The following ARHGAP26 variants were observed in gnomAD, a reference collection of about 807,000 sequenced individuals.
ARHGAP26 encodes the protein rho GTPase-activating protein 26.
ARHGAP26 carries 38 observed loss-of-function variants against 104.8 expected under a neutral mutation model. That is an observed-to-expected ratio of 0.36 (90% confidence interval 0.28 to 0.48). The LOEUF (loss-of-function observed/expected upper bound fraction) is 0.48. Among genes scored for constraint, ARHGAP26 ranks in the 20% least tolerant of loss-of-function variants. The probability of loss-of-function intolerance (pLI) is 0.99; values close to 1 mark genes in which losing one functional copy is unlikely to be tolerated. For synonymous variants in ARHGAP26, 341 were observed against 340.0 expected (o/e 1.00, Z -0.03); for missense variants, 704 against 947.9 (o/e 0.74, Z 3.38).
chr5:143,192,465 A>G (rs1806087305), intron 20 of ARHGAP26: 1 of 152,270 alleles, frequency 6.6e-6, no homozygotes, highest in African/African-American at 2.4e-5. Context: ...TGCTTGCTCT[A>G]TGGCTTGTGA....
chr5:142,799,249 C>A (rs1761586438), intron 1 of ARHGAP26, among the ~76,000 whole-genome samples: 1 of 151,766 alleles, frequency 6.6e-6, no homozygotes, highest in South Asian at 2.1e-4. Context: ...ATATGTGTTT[C>A]TGCATTTTGG....
At chr5:142,924,798 C>T (rs1397525495) in intron 10 of ARHGAP26, among the ~76,000 whole-genome samples, 1 of 152,230 alleles carries the variant, frequency 6.6e-6, no homozygotes, top group Non-Finnish European at 1.5e-5. Context: ...CCAGTGATGG[C>T]ACTGTGTCCT....
At chr5:143,191,351 A>G (rs1351388715) in intron 20 of ARHGAP26, among the ~76,000 whole-genome samples, 1 of 152,238 alleles carries the variant, frequency 6.6e-6, no homozygotes, top group Non-Finnish European at 1.5e-5. Context: ...GTGGACAAAT[A>G]TGCTTTTCAT....
chr5:142,954,517 G>A (rs1311379357), intron 11 of ARHGAP26, among the ~76,000 whole-genome samples: 1 of 152,142 alleles, frequency 6.6e-6, no homozygotes, highest in African/African-American at 2.4e-5. Flanking sequence ...TTTGTTTTCT[G>A]TGTCTCTTAA....
chr5:142,905,683 A>T (rs1369875430), intron 8 of ARHGAP26, among the ~76,000 whole-genome samples: 1 of 152,214 alleles, frequency 6.6e-6, no homozygotes, highest in Non-Finnish European at 1.5e-5. Context: ...AATAAAAGAT[A>T]TTCTTTTTAT....
At chr5:142,904,671 C>A (rs1275898156) in intron 8 of ARHGAP26, among the ~76,000 whole-genome samples, 1 of 152,108 alleles carries the variant, frequency 6.6e-6, no homozygotes, top group Non-Finnish European at 1.5e-5. Flanking sequence ...TGGGGCCGTG[C>A]CGTTTAGGAT....
rs530201437 is a variant in ARHGAP26 at position 143,042,333 on chromosome 5, A to C, written c.1285+443A>C. On this transcript the variant is annotated intron_variant, in intron 14 of 22. Coordinates refer to ENST00000645722, the MANE Select transcript of ARHGAP26 (RefSeq NM_001135608.3). ...ATGTTCCTGATACTGAGCAGGTGTC[A>C]TGTAACTCTCAGATAAAATATATAT... 2.0e-5 allele frequency among the ~76,000 whole-genome samples: 3 copies of C among 152,366 alleles called. No homozygotes were observed. The East Asian group carries it at 5.8e-4, about 29-fold the overall frequency.
intron 11 of ARHGAP26, among the ~76,000 whole-genome samples, chr5:143,002,021 C>T (rs948696825): frequency 1.3e-5 from 2 of 152,162 alleles, no homozygotes; most frequent in African/African-American, 4.8e-5. Context: ...ATAACATTCA[C>T]CTTCTGCCTC....
At chr5:142,997,048 A>G (rs1776504829) in intron 11 of ARHGAP26, among the ~76,000 whole-genome samples, 3 of 152,164 alleles carry the variant, frequency 2.0e-5, no homozygotes, top group African/African-American at 7.2e-5. Context: ...CTATTGTAGC[A>G]CAAAAACAGC....
chr5:143,131,698 G>A (rs1487638889), intron 18 of ARHGAP26, among the ~76,000 whole-genome samples: 1 of 152,210 alleles, frequency 6.6e-6, no homozygotes, highest in East Asian at 1.9e-4. Context: ...TTAGCTGTGT[G>A]GCATTGTAAG....
At chr5:143,069,287 A>G (rs1787931626) in intron 17 of ARHGAP26, among the ~76,000 whole-genome samples, 1 of 152,070 alleles carries the variant, frequency 6.6e-6, no homozygotes. Flanking sequence ...GAGGTTGGCA[A>G]TTGCTGTCTG....
intron 6 of ARHGAP26, among the ~76,000 whole-genome samples, chr5:142,898,381 G>A (rs1400708935): frequency 2.6e-5 from 4 of 152,070 alleles, no homozygotes; most frequent in East Asian, 1.9e-4. Context: ...CTGAGTTTTC[G>A]TAATTGAAGG....
Position 143,222,561 on chromosome 5 carries a change from G to A in ARHGAP26, c.*115G>A. On this transcript the variant is annotated 3_prime_UTR_variant, in exon 23 of 23. Transcript: ENST00000645722. The stretch of plus-strand genomic sequence containing the variant: ...GAAATGCAGCGTGACTGACTCTGTT[G>A]CTACCTGTCAACATGAATGTTTCTG... 1 of 742,600 alleles carries A rather than the reference G, an allele frequency of 1.3e-6. No homozygotes were observed. Among genetic ancestry groups the A allele is most frequent in the Non-Finnish European group, 2.0e-6 (1 of 488,982 alleles). 46.0% of individuals were successfully genotyped at this position (742,600 alleles called of 1,614,324 possible).
chr5:142,874,892 C>T (rs183664623), intron 2 of ARHGAP26: 1 of 533,674 alleles, frequency 1.9e-6, no homozygotes, highest in Non-Finnish European at 3.3e-6. Context: ...TTGAAGAAAT[C>T]ATTCCCTAGC....
intron 17 of ARHGAP26, among the ~76,000 whole-genome samples, chr5:143,088,617 A>G (rs1333386462): frequency 6.6e-6 from 1 of 152,248 alleles, no homozygotes; most frequent in Non-Finnish European, 1.5e-5. Flanking sequence ...TCGGTGCCGC[A>G]AAAGGAATAG....
intron 17 of ARHGAP26, among the ~76,000 whole-genome samples, chr5:143,093,006 T>C (rs1791689513): frequency 6.6e-6 from 1 of 152,216 alleles, no homozygotes; most frequent in South Asian, 2.1e-4. Flanking sequence ...GCTCGGACCT[T>C]TGTATGGTAA....
chr5:143,200,597 C>CA (rs151051681), intron 20 of ARHGAP26, among the ~76,000 whole-genome samples: 27,733 of 151,512 alleles, frequency 0.18, 2,914 homozygotes, highest in South Asian at 0.4. Flanking sequence ...TATAATTCTC[C>CA]AAAAAAAAGC....
chr5:142,820,286 A>C (rs1466550890), intron 1 of ARHGAP26, among the ~76,000 whole-genome samples: 1 of 152,136 alleles, frequency 6.6e-6, no homozygotes, highest in Non-Finnish European at 1.5e-5. Context: ...CGGTGGTTAA[A>C]ACTTTCTTGT....
chr5:142,848,790 C>A (rs1222148094), intron 1 of ARHGAP26, among the ~76,000 whole-genome samples: 9 of 152,140 alleles, frequency 5.9e-5, no homozygotes, highest in Admixed American at 5.9e-4. Context: ...AAGACAGGGG[C>A]CTGCTCCCTC....
Sources: allele counts gnomAD v4.1 joint callset (sites outside exome capture counted in the v4.1 genomes callset), GRCh38; gene constraint gnomAD v4.1.1; transcripts MANE v1.5; gene names NCBI Gene and HGNC (gene_info 2026-07-23, HGNC 2026-07-21).